Variants in AFG1L observed in about 807,000 individuals in gnomAD.
AFG1L encodes the protein AFG1 like ATPase, also known as AFG1-like ATPase.
Under a neutral mutation model 62.2 loss-of-function variants are expected in AFG1L, and 53 were observed. That is an observed-to-expected ratio of 0.85 (90% CI 0.68 to 1.07). The LOEUF is 1.07. Ranked by LOEUF, AFG1L falls within the 50% of genes least tolerant of loss-of-function variation. The pLI, the probability that AFG1L is intolerant of heterozygous loss-of-function variation, is 0.00. For missense variants in AFG1L, 555 were observed against 590.5 expected (o/e 0.94, Z 0.62); for synonymous variants, 228 against 210.3 (o/e 1.08, Z -0.73).
intron 6 of AFG1L, among the ~76,000 whole-genome samples, chr6:108,367,609 A>T (rs925157715): frequency 2.0e-5 from 3 of 152,212 alleles, no homozygotes; most frequent in African/African-American, 7.2e-5. Context: ...GATGGGGAAG[A>T]CTACAGAAAA....
At chr6:108,477,816 A>G (rs959756671) in intron 10 of AFG1L, among the ~76,000 whole-genome samples, 2 of 152,162 alleles carry the variant, frequency 1.3e-5, no homozygotes, top group Admixed American at 6.5e-5. Flanking sequence ...CAGAGAAAAA[A>G]TGTTTAGCTG....
intron 7 of AFG1L, among the ~76,000 whole-genome samples, chr6:108,402,605 A>T (rs1357665937): frequency 6.6e-6 from 1 of 152,132 alleles, no homozygotes; most frequent in Non-Finnish European, 1.5e-5. Flanking sequence ...CACTGAAAAA[A>T]TTACAAAATA....
At chr6:108,487,337 AG>A (rs1046213768) in intron 10 of AFG1L, among the ~76,000 whole-genome samples, 1 of 152,126 alleles carries the variant, frequency 6.6e-6, no homozygotes, top group Non-Finnish European at 1.5e-5. Flanking sequence ...AGGATAGTCA[AG>A]GCACTCCAGC....
At chr6:108,449,509 A>G (rs1457143353) in intron 8 of AFG1L, among the ~76,000 whole-genome samples, 1 of 152,160 alleles carries the variant, frequency 6.6e-6, no homozygotes, top group African/African-American at 2.4e-5. Flanking sequence ...TCACATGAGG[A>G]CTTGGGTAGA....
chr6:108,455,273 T>C (rs1008711873), intron 8 of AFG1L, among the ~76,000 whole-genome samples: 2 of 152,168 alleles, frequency 1.3e-5, no homozygotes, highest in East Asian at 1.9e-4. Flanking sequence ...GACCATGCCA[T>C]GTATTGAGTG....
At chr6:108,378,987 C>T (rs1220883352) in intron 6 of AFG1L, among the ~76,000 whole-genome samples, 3 of 149,136 alleles carry the variant, frequency 2.0e-5, no homozygotes, top group Non-Finnish European at 3.0e-5. Context: ...CTGCTCTTCT[C>T]CTTCTCCTTC....
intron 1 of AFG1L, among the ~76,000 whole-genome samples, chr6:108,312,798 T>G (rs1293396990): frequency 6.6e-6 from 1 of 152,010 alleles, no homozygotes; most frequent in Non-Finnish European, 1.5e-5. Flanking sequence ...AGAGTCTCAC[T>G]CTGTTGCCCA....
intron 7 of AFG1L, among the ~76,000 whole-genome samples, chr6:108,432,413 T>C (rs1771117354): frequency 6.6e-6 from 1 of 152,198 alleles, no homozygotes; most frequent in African/African-American, 2.4e-5. Flanking sequence ...TCTCAGTTTA[T>C]TCAAATAGTT....
intron 10 of AFG1L, among the ~76,000 whole-genome samples, chr6:108,505,099 C>CT (rs796927224): frequency 0.036 from 4,773 of 134,434 alleles, 103 homozygotes; most frequent in Non-Finnish European, 0.047. Flanking sequence ...TTTCTTTTTT[C>CT]TTTTTTTTTT....
intron 6 of AFG1L, among the ~76,000 whole-genome samples, chr6:108,369,392 T>A (rs1440084766): frequency 6.6e-6 from 1 of 152,180 alleles, no homozygotes; most frequent in African/African-American, 2.4e-5. Flanking sequence ...GAACAAAGAC[T>A]AGAACTTAGG....
At chr6:108,310,120 T>G (rs781021459) in intron 1 of AFG1L, among the ~76,000 whole-genome samples, 33 of 152,160 alleles carry the variant, frequency 2.2e-4, no homozygotes, top group Admixed American at 7.9e-4. Context: ...AACCCCAAGC[T>G]TAGGAAACCT....
At chr6:108,413,406 A>T (rs1782206856) in intron 7 of AFG1L, among the ~76,000 whole-genome samples, 1 of 152,218 alleles carries the variant, frequency 6.6e-6, no homozygotes, top group South Asian at 2.1e-4. Flanking sequence ...TCAGCTCTGC[A>T]CCAAGCAGAC....
rs201935764 is a variant in AFG1L, at chr6:108,396,481, C to CT, written c.749-5507dup. ...CTGTGGATACATAGTGGGTATATAT[C>CT]TTTTTTTTGTTTTGTTTTGTTTTTT... is the stretch of plus-strand genomic sequence containing the variant. On this transcript the variant is annotated intron_variant, in intron 6 of 12. Transcript: ENST00000368977. Among the ~76,000 whole-genome samples, 1,348 of 151,712 alleles carry CT rather than the reference C, an allele frequency of 8.9e-3. 15 individuals carry two copies. The highest frequency in any genetic ancestry group is 0.03 in the African/African-American group (1,239 of 41,392).
chr6:108,433,608 T>C (rs1170273031), intron 7 of AFG1L, among the ~76,000 whole-genome samples: 1 of 151,308 alleles, frequency 6.6e-6, no homozygotes, highest in Non-Finnish European at 1.5e-5. Context: ...TTATTTTATT[T>C]TTTGAGATGG....
At chr6:108,457,733 C>G (rs1295936984) in intron 8 of AFG1L, among the ~76,000 whole-genome samples, 3 of 151,990 alleles carry the variant, frequency 2.0e-5, no homozygotes, top group African/African-American at 4.8e-5. Context: ...GATATAATTT[C>G]TCTTTTTCCT....
intron 7 of AFG1L, among the ~76,000 whole-genome samples, chr6:108,411,026 A>G (rs533373174): frequency 1.3e-5 from 2 of 152,300 alleles, no homozygotes; most frequent in South Asian, 4.1e-4. Context: ...AAGGGAAGCC[A>G]TGACAGGCGG....
chr6:108,313,962 C>T (rs990256702), intron 1 of AFG1L, among the ~76,000 whole-genome samples: 15 of 152,144 alleles, frequency 9.9e-5, no homozygotes, highest in African/African-American at 3.6e-4. Flanking sequence ...TGCCTGTAAT[C>T]TGAGCACTTT....
At chr6:108,480,240 A>C (rs1025244465) in intron 10 of AFG1L, among the ~76,000 whole-genome samples, 1 of 152,182 alleles carries the variant, frequency 6.6e-6, no homozygotes, top group African/African-American at 2.4e-5. Context: ...ACACATACAT[A>C]ATAATAATAA....
intron 5 of AFG1L, among the ~76,000 whole-genome samples, chr6:108,360,053 A>G (rs1779462227): frequency 6.6e-6 from 1 of 152,252 alleles, no homozygotes; most frequent in Admixed American, 6.5e-5. Context: ...CAGTGGAAGA[A>G]TTAATCGGTG....
Sources: gnomAD v4.1 joint callset for allele counts (sites outside exome capture counted in the v4.1 genomes callset) on GRCh38, gnomAD v4.1.1 for gene constraint, MANE v1.5 for transcripts, NCBI Gene and HGNC (gene_info 2026-07-23, HGNC 2026-07-21) for gene names.